The following WNT3A variants were observed in gnomAD, a reference collection of about 807,000 sequenced individuals.
WNT3A encodes the protein Wnt family member 3A.
WNT3A carries 17 observed loss-of-function variants against 37.0 expected under a neutral mutation model. The ratio of observed to expected loss-of-function variants is 0.46; its 90% CI spans 0.31 to 0.69. The LOEUF (loss-of-function observed/expected upper bound fraction) is 0.69. Among genes scored for constraint, WNT3A ranks in the 30% least tolerant of loss-of-function variants. WNT3A has a pLI of 0.05. For synonymous variants in WNT3A, 187 were observed against 211.0 expected (o/e 0.89, Z 0.99); for missense variants, 411 against 510.2 (o/e 0.81, Z 1.87).
At position 228,008,591 on chromosome 1, in the gene WNT3A, G is replaced by C. The variant is rs978566142; in HGVS notation, c.71+1392G>C. On this transcript the variant is annotated intron_variant, in intron 1 of 3. Coordinates refer to ENST00000284523, the MANE Select transcript of WNT3A (RefSeq NM_033131.4). This position sits in a 1 kb window ranked among gnomAD's most constrained non-coding sequence, Gnocchi z 4.9. ...GCTGCGCCCAGTGGCCCACCTGAGG[G>C]TCAGGCTCGGGGCTCGCCTTGGGGT... Among the ~76,000 whole-genome samples, 14 of 152,142 alleles carry C rather than the reference G, an allele frequency of 9.2e-5. No individual in the cohort carries two copies. Among genetic ancestry groups the C allele is most frequent in the Non-Finnish European group, 1.6e-4 (11 of 68,000 alleles).
At chr1:228,056,654 G>A (rs1481149469) in intron 3 of WNT3A, among the ~76,000 whole-genome samples, 1 of 152,144 alleles carries the variant, frequency 6.6e-6, no homozygotes, top group Non-Finnish European at 1.5e-5. Flanking sequence ...TCAGAACTGT[G>A]GAGCACAGGT....
chr1:228,037,911 G>A lies in WNT3A; in HGVS notation c.314-12745G>A, dbSNP rs984922427. 6.6e-6 allele frequency among the ~76,000 whole-genome samples: 1 copy of A among 152,236 alleles called. No individual in the cohort carries two copies. Among genetic ancestry groups the A allele is most frequent in the African/African-American group, 2.4e-5 (1 of 41,484 alleles). The stretch of plus-strand genomic sequence containing the variant: ...CTCGCGCCGGACGGCCTGGCGCGCG[G>A]CGCATACTTCCAGGTTGCTATGACT... On this transcript the variant is annotated intron_variant, in intron 2 of 3. Coordinates refer to ENST00000284523, the MANE Select transcript of WNT3A (RefSeq NM_033131.4). This position sits in a 1 kb window ranked among gnomAD's most constrained non-coding sequence, Gnocchi z 4.1.
intron 3 of WNT3A, among the ~76,000 whole-genome samples, chr1:228,057,521 G>C (rs1333188865): frequency 6.6e-6 from 1 of 152,068 alleles, no homozygotes; most frequent in Non-Finnish European, 1.5e-5. Flanking sequence ...AACAAAAGAG[G>C]AAATAAAATG....
rs573309635 is a variant in WNT3A, at chr1:228,039,233, C to T, written c.314-11423C>T. ...CATCAAGAAGCAGACTGGGCAAAGG[C>T]GGCATCCCAAGCTCCTAGGAAAGGA... On this transcript the variant is annotated intron_variant, in intron 2 of 3. Coordinates refer to ENST00000284523, the MANE Select transcript of WNT3A (RefSeq NM_033131.4). The surrounding 1 kb of genome is among the most constrained non-coding windows in gnomAD (Gnocchi z 4.1). Among the ~76,000 whole-genome samples, 159 of 152,254 alleles carry T rather than the reference C, an allele frequency of 1.0e-3. No individual in the cohort carries two copies. Among genetic ancestry groups the T allele is most frequent in the Non-Finnish European group, 1.9e-3 (128 of 67,992 alleles).
intron 1 of WNT3A, among the ~76,000 whole-genome samples, chr1:228,009,866 C>T (rs978525223): frequency 2.6e-5 from 4 of 152,064 alleles, no homozygotes; most frequent in South Asian, 2.1e-4. Flanking sequence ...CTTATACCCA[C>T]GCAGCAGATG....
chr1:228,041,600 C>A (rs1465466490), intron 2 of WNT3A, among the ~76,000 whole-genome samples: 1 of 152,090 alleles, frequency 6.6e-6, no homozygotes, highest in Non-Finnish European at 1.5e-5. Flanking sequence ...TCCCTCAATC[C>A]ATCATCTATC....
At chr1:228,055,179 A>AATATATATATATATATATAT (rs1180107835) in intron 3 of WNT3A, among the ~76,000 whole-genome samples, 1 of 19,290 alleles carries the variant, frequency 5.2e-5, no homozygotes, top group Non-Finnish European at 8.5e-5. Flanking sequence ...AAAAAAAAAA[A>AATATATATATATATATATAT]ATATATATAT....
rs1350409411 is a variant in WNT3A at position 228,022,593 on chromosome 1, C to T, written c.72-74C>T. The T allele has an allele frequency of 2.4e-5, 36 of 1,525,124 alleles. 2 individuals are homozygous for T. The South Asian group carries it at 4.4e-4, about 19-fold the overall frequency. The allele number at this position is 1,525,124 out of a possible 1,614,324, so 94.5% of individuals were successfully genotyped here. A position where few individuals can be genotyped will look rare whatever the true frequency, so the allele number is the denominator to read the frequency against. ...CCCGAATGCACTTGAGGCCCCAGAG[C>T]AAAGGGTCTGTAGCCTGCTCATCTG... On this transcript the variant is annotated intron_variant, in intron 1 of 3. Coordinates refer to ENST00000284523, the MANE Select transcript of WNT3A (RefSeq NM_033131.4).
At chr1:228,035,846 G>T (rs947631) in intron 2 of WNT3A, among the ~76,000 whole-genome samples, 1 of 151,976 alleles carries the variant, frequency 6.6e-6, no homozygotes, top group Admixed American at 6.5e-5. Flanking sequence ...CTCCTTCTCC[G>T]CTTCTCTGAT....
At chr1:228,030,938 G>A (rs2030986235) in intron 2 of WNT3A, among the ~76,000 whole-genome samples, 1 of 152,244 alleles carries the variant, frequency 6.6e-6, no homozygotes, top group Non-Finnish European at 1.5e-5. Flanking sequence ...AAGTCCTTTG[G>A]AGGGGAGGTG....
intron 1 of WNT3A, among the ~76,000 whole-genome samples, chr1:228,020,602 C>T (rs1454061595): frequency 3.9e-5 from 6 of 152,242 alleles, no homozygotes; most frequent in Admixed American, 3.9e-4. Context: ...ACAGCAGGAA[C>T]ACCAACCCAG....
At chr1:228,014,752 G>A (rs1558284079) in intron 1 of WNT3A, among the ~76,000 whole-genome samples, 1 of 152,238 alleles carries the variant, frequency 6.6e-6, no homozygotes, top group Non-Finnish European at 1.5e-5. Flanking sequence ...TTGTGGTCCT[G>A]GGCCAGCCTC....
intron 2 of WNT3A, 60 bp downstream of exon 2, chr1:228,022,968 A>G: frequency 6.5e-7 from 1 of 1,547,346 alleles, no homozygotes; most frequent in Non-Finnish European, 8.7e-7. Flanking sequence ...TCTCCCGCCT[A>G]GCGCTGCCTG....
In WNT3A at chr1:228,041,961, G is replaced by C. The variant is rs115575091; in HGVS notation, c.314-8695G>C. 8.3e-3 allele frequency among the ~76,000 whole-genome samples: 1,267 copies of C among 152,222 alleles called. 19 individuals are homozygous for C. The highest frequency in any genetic ancestry group is 0.029 in the African/African-American group (1,188 of 41,532). ...AGGTTGTTAGAAATTGTATCATATT[G>C]AGCAGCAGTCCACTTTCTGGAGGAT... is the stretch of plus-strand genomic sequence containing the variant. On this transcript the variant is annotated intron_variant, in intron 2 of 3. Coordinates refer to ENST00000284523, the MANE Select transcript of WNT3A (RefSeq NM_033131.4).
rs1299527275 is a variant in WNT3A at position 228,038,455 on chromosome 1, T to C, written c.314-12201T>C. ...GGCACGAGAAGGACTTTGCTTGTCCTTTTTCAGGGGCGATGGTCCCCAGAT... is the reference window on the plus strand; with the variant it reads ...GGCACGAGAAGGACTTTGCTTGTCCCTTTTCAGGGGCGATGGTCCCCAGAT... On this transcript the variant is annotated intron_variant, in intron 2 of 3. Transcript: ENST00000284523. This position sits in a 1 kb window ranked among gnomAD's most constrained non-coding sequence, Gnocchi z 5.7. Among the ~76,000 whole-genome samples, 1 of 152,196 alleles carries C rather than the reference T, an allele frequency of 6.6e-6. No individual in the cohort carries two copies. Among genetic ancestry groups the C allele is most frequent in the African/African-American group, 2.4e-5 (1 of 41,458 alleles).
At chr1:228,046,446 A>G (rs757851215) in intron 2 of WNT3A, among the ~76,000 whole-genome samples, 4 of 73,804 alleles carry the variant, frequency 5.4e-5, no homozygotes, top group Admixed American at 2.6e-4. Flanking sequence ...ATGTGTGTGC[A>G]TGTGTCTGTG....
chr1:228,023,251 G>T (rs986503858), intron 2 of WNT3A, among the ~76,000 whole-genome samples: 1 of 152,136 alleles, frequency 6.6e-6, no homozygotes, highest in Non-Finnish European at 1.5e-5. Context: ...GAAGGGAGAG[G>T]TTTGGGGGCA....
At chr1:228,034,198 G>T (rs997084571) in intron 2 of WNT3A, among the ~76,000 whole-genome samples, 1 of 152,098 alleles carries the variant, frequency 6.6e-6, no homozygotes, top group Admixed American at 6.5e-5. Context: ...GGAGGCGGAG[G>T]TTGCAATGAG....
intron 2 of WNT3A, among the ~76,000 whole-genome samples, chr1:228,030,809 C>T (rs2030982970): frequency 6.6e-6 from 1 of 152,242 alleles, no homozygotes; most frequent in East Asian, 1.9e-4. Context: ...GTCCCCCACG[C>T]TTGCTCCTAT....
Sources: allele counts gnomAD v4.1 joint callset (sites outside exome capture counted in the v4.1 genomes callset), GRCh38; gene constraint gnomAD v4.1.1; non-coding constraint Gnocchi (gnomAD v3.1); transcripts MANE v1.5; gene names NCBI Gene and HGNC (gene_info 2026-07-23, HGNC 2026-07-21).